ROR2: variants seen among roughly 807,000 people sequenced by gnomAD.
ROR2 encodes ROR family WNT receptor 2, also known as tyrosine-protein kinase transmembrane receptor ROR2.
In ROR2, 33 loss-of-function variants were observed where a neutral mutation model predicts 74.9. The observed-to-expected ratio is 0.44, with a 90% confidence interval of 0.33 to 0.59. The LOEUF (loss-of-function observed/expected upper bound fraction) is 0.59, where lower values mean the gene tolerates loss of function less well. ROR2 is among the 20% of genes least tolerant of loss of function. The pLI is 0.02. For synonymous variants in ROR2, 586 were observed against 558.7 expected (o/e 1.05, Z -0.69); for missense variants, 1,216 against 1,313.8 (o/e 0.93, Z 1.15).
chr9:91,782,714 GGAGC>G (rs1264608167), intron 1 of ROR2, among the ~76,000 whole-genome samples: 2 of 152,168 alleles, frequency 1.3e-5, no homozygotes, highest in Non-Finnish European at 2.9e-5. Flanking sequence ...GGCCAGGTCT[GGAGC>G]AGGCTCCACC....
At chr9:91,890,948 G>A (rs1195507880) in intron 1 of ROR2, among the ~76,000 whole-genome samples, 1 of 151,978 alleles carries the variant, frequency 6.6e-6, no homozygotes, top group Admixed American at 6.6e-5. Flanking sequence ...GCCCTCATGT[G>A]GATTTTTTTA....
intron 4 of ROR2, among the ~76,000 whole-genome samples, chr9:91,750,632 C>T (rs1825569498): frequency 6.6e-6 from 1 of 152,148 alleles, no homozygotes; most frequent in Non-Finnish European, 1.5e-5. Context: ...GATATGTGCT[C>T]ACAGTATGAG....
intron 1 of ROR2, among the ~76,000 whole-genome samples, chr9:91,795,860 G>A (rs1312834498): frequency 4.6e-5 from 7 of 152,178 alleles, no homozygotes; most frequent in Admixed American, 4.6e-4. Context: ...AAATAAGCAT[G>A]AATGTACATA....
At chr9:91,923,196 T>C (rs149822324) in intron 1 of ROR2, among the ~76,000 whole-genome samples, 206 of 152,326 alleles carry the variant, frequency 1.4e-3, no homozygotes, top group African/African-American at 4.6e-3. Flanking sequence ...TACTTATGAC[T>C]GGCCAAAATG....
In ROR2 at chr9:91,732,742, G is replaced by A. The variant is rs115896562; in HGVS notation, c.937+380C>T. On this transcript the variant is annotated intron_variant, in intron 6 of 8. Coordinates refer to ENST00000375708, the MANE Select transcript of ROR2 (RefSeq NM_004560.4). Reference sequence around the variant, plus strand: ...GCGGCCCGAGTGCGTGCTGACCGTCGGGCAAGTTAGGAAGCTGGCCCTGTC... The same window carrying A: ...GCGGCCCGAGTGCGTGCTGACCGTCAGGCAAGTTAGGAAGCTGGCCCTGTC... 2.0e-3 allele frequency among the ~76,000 whole-genome samples: 304 copies of A among 152,250 alleles called. 1 individual carries two copies. The highest frequency in any genetic ancestry group is 6.9e-3 in the African/African-American group (287 of 41,546).
intron 4 of ROR2, among the ~76,000 whole-genome samples, chr9:91,739,897 G>C (rs1825160075): frequency 6.6e-6 from 1 of 152,240 alleles, no homozygotes; most frequent in African/African-American, 2.4e-5. Context: ...GCCTGGGTAT[G>C]TGCTGGACAT....
chr9:91,876,631 C>T (rs1292658224), intron 1 of ROR2, among the ~76,000 whole-genome samples: 1 of 152,102 alleles, frequency 6.6e-6, no homozygotes, highest in Admixed American at 6.5e-5. Flanking sequence ...ACAAAGATGA[C>T]TCAAGAGCCA....
At chr9:91,751,996 GAC>G (rs1329098460) in intron 4 of ROR2, among the ~76,000 whole-genome samples, 3 of 152,164 alleles carry the variant, frequency 2.0e-5, no homozygotes, top group African/African-American at 7.2e-5. Flanking sequence ...ATTTAAAAAT[GAC>G]TAGTAAAAAT....
At chr9:91,819,209 G>C (rs980201393) in intron 1 of ROR2, among the ~76,000 whole-genome samples, 1 of 152,208 alleles carries the variant, frequency 6.6e-6, no homozygotes, top group Non-Finnish European at 1.5e-5. Context: ...CCCAAGGCCA[G>C]GACTGACACA....
At chr9:91,856,751 G>A (rs995309609) in intron 1 of ROR2, among the ~76,000 whole-genome samples, 1 of 152,180 alleles carries the variant, frequency 6.6e-6, no homozygotes, top group African/African-American at 2.4e-5. Context: ...TGACAAATAC[G>A]ATGTCCTTGT....
At chr9:91,917,928 T>C (rs969470524) in intron 1 of ROR2, among the ~76,000 whole-genome samples, 1 of 152,128 alleles carries the variant, frequency 6.6e-6, no homozygotes, top group Non-Finnish European at 1.5e-5. Context: ...AAACTGAAAT[T>C]GGTGTCCCAG....
At chr9:91,749,391 G>T (rs1196443049) in intron 4 of ROR2, among the ~76,000 whole-genome samples, 3 of 152,138 alleles carry the variant, frequency 2.0e-5, no homozygotes, top group African/African-American at 7.2e-5. Flanking sequence ...TGGCACCTGA[G>T]ATCTCTGTAT....
chr9:91,766,200 G>A (rs1218247755), intron 2 of ROR2, among the ~76,000 whole-genome samples: 1 of 152,194 alleles, frequency 6.6e-6, no homozygotes, highest in Non-Finnish European at 1.5e-5. Flanking sequence ...ACTTTTCACT[G>A]TTGGTGAGCT....
chr9:91,934,003 T>A (rs914523116), intron 1 of ROR2, among the ~76,000 whole-genome samples: 1 of 152,144 alleles, frequency 6.6e-6, no homozygotes, highest in Admixed American at 6.6e-5. Flanking sequence ...TATGCGAATT[T>A]TACCAGAATT....
At chr9:91,839,106 GTGGGA>G (rs1828700207) in intron 1 of ROR2, among the ~76,000 whole-genome samples, 1 of 152,190 alleles carries the variant, frequency 6.6e-6, no homozygotes, top group Admixed American at 6.5e-5. Context: ...CAACACAAGC[GTGGGA>G]TGACAGCAGC....
intron 1 of ROR2, among the ~76,000 whole-genome samples, chr9:91,900,571 C>T (rs974706394): frequency 1.3e-5 from 2 of 152,204 alleles, no homozygotes; most frequent in Non-Finnish European, 1.5e-5. Flanking sequence ...GCCAAGGAGG[C>T]GGGAAAACGA....
intron 1 of ROR2, among the ~76,000 whole-genome samples, chr9:91,804,658 C>T (rs2119071505): frequency 6.6e-6 from 1 of 152,266 alleles, no homozygotes; most frequent in East Asian, 1.9e-4. Flanking sequence ...CGGCTCCTGC[C>T]CAGGGCTAAT....
intron 1 of ROR2, among the ~76,000 whole-genome samples, chr9:91,898,115 T>C (rs1169479220): frequency 6.6e-6 from 1 of 152,148 alleles, no homozygotes; most frequent in Non-Finnish European, 1.5e-5. Context: ...GATCCCCTCA[T>C]GGTCACCGGT....
chr9:91,862,873 C>A (rs1217284113), intron 1 of ROR2, among the ~76,000 whole-genome samples: 1 of 152,166 alleles, frequency 6.6e-6, no homozygotes, highest in Non-Finnish European at 1.5e-5. Flanking sequence ...CCAAACACAA[C>A]TAAATAGTAA....
Sources: allele counts gnomAD v4.1 joint callset (sites outside exome capture counted in the v4.1 genomes callset), GRCh38; gene constraint gnomAD v4.1.1; transcripts MANE v1.5; gene names NCBI Gene and HGNC (gene_info 2026-07-23, HGNC 2026-07-21).